SLC9A9: variants seen among roughly 807,000 people sequenced by gnomAD.
SLC9A9 encodes the protein sodium/hydrogen exchanger 9.
Under a neutral mutation model 77.8 loss-of-function variants are expected in SLC9A9, and 62 were observed. The ratio of observed to expected loss-of-function variants is 0.80; its 90% CI spans 0.65 to 0.98. The LOEUF is 0.98. Among genes scored for constraint, SLC9A9 ranks in the 50% least tolerant of loss-of-function variants. The probability of loss-of-function intolerance (pLI) is 0.00; values close to 1 mark genes in which losing one functional copy is unlikely to be tolerated. For synonymous variants in SLC9A9, 320 were observed against 283.5 expected (o/e 1.13, Z -1.29); for missense variants, 775 against 774.9 (o/e 1.00, Z 0.00).
At chr3:143,507,181 C>T (rs1023298313) in intron 9 of SLC9A9, among the ~76,000 whole-genome samples, 1 of 151,652 alleles carries the variant, frequency 6.6e-6, no homozygotes, top group Non-Finnish European at 1.5e-5. Context: ...TGTACAGCCT[C>T]TCTCATTATT....
At chr3:143,297,691 A>T (rs537746227) in intron 14 of SLC9A9, among the ~76,000 whole-genome samples, 34 of 152,326 alleles carry the variant, frequency 2.2e-4, no homozygotes, top group African/African-American at 7.9e-4. Flanking sequence ...AACGTTTTAT[A>T]GTTTTCAATG....
chr3:143,527,086 C>T (rs2049503), intron 9 of SLC9A9, among the ~76,000 whole-genome samples: 33,543 of 152,124 alleles, frequency 0.22, 4,801 homozygotes, highest in Non-Finnish European at 0.33. Flanking sequence ...TAGACATATA[C>T]GACTTGTCTA....
Position 143,467,059 on chromosome 3 carries a change from T to C in SLC9A9, c.1447A>G (p.Met483Val). ...CACCTGATCTGAAGCCAAGTCAACA[T>C]GGGGGTTGTTCCTCCTCCAAATACC... ...VWVFGGGTTP[M>V]LTWLQIRVGV... The change falls in exon 12 of 16, where the codon ATG (methionine) becomes GTG (valine). Residue 483 changes from methionine (M) to valine (V), a missense_variant. By Grantham distance (21) the Met-to-Val change is conservative (BLOSUM62 1). Transcript: ENST00000316549. 1 of 1,613,946 alleles carries C rather than the reference T, an allele frequency of 6.2e-7. No homozygotes were observed. Among genetic ancestry groups the C allele is most frequent in the Non-Finnish European group, 8.5e-7 (1 of 1,179,956 alleles).
intron 9 of SLC9A9, among the ~76,000 whole-genome samples, chr3:143,516,186 A>T (rs1362056835): frequency 6.6e-6 from 1 of 152,030 alleles, no homozygotes; most frequent in African/African-American, 2.4e-5. Context: ...CTTACTTTTT[A>T]ATCTCCACAG....
chr3:143,707,992 G>C (rs1283070726), intron 4 of SLC9A9, among the ~76,000 whole-genome samples: 1 of 152,110 alleles, frequency 6.6e-6, no homozygotes, highest in Non-Finnish European at 1.5e-5. Flanking sequence ...GTCAGTTTCT[G>C]CTGCTATAGC....
intron 14 of SLC9A9, among the ~76,000 whole-genome samples, chr3:143,305,065 C>T (rs2030718093): frequency 6.6e-6 from 1 of 151,934 alleles, no homozygotes; most frequent in Non-Finnish European, 1.5e-5. Flanking sequence ...AAATGATTCC[C>T]TTCCATCTAC....
intron 14 of SLC9A9, among the ~76,000 whole-genome samples, chr3:143,338,999 A>T (rs561860576): frequency 1.3e-5 from 2 of 152,316 alleles, no homozygotes; most frequent in East Asian, 3.9e-4. Context: ...TTCCTGGCTT[A>T]TTTATTAGTA....
chr3:143,710,303 AC>A (rs887868629), intron 4 of SLC9A9, among the ~76,000 whole-genome samples: 7 of 152,172 alleles, frequency 4.6e-5, no homozygotes, highest in Non-Finnish European at 1.0e-4. Flanking sequence ...GGATCCTTCT[AC>A]CCTGTGCACG....
intron 6 of SLC9A9, among the ~76,000 whole-genome samples, chr3:143,583,845 A>G (rs1468431651): frequency 6.6e-6 from 1 of 152,186 alleles, no homozygotes. Context: ...CTAAGATTTT[A>G]CCACCTGTCT....
chr3:143,708,155 G>A (rs1383547282), intron 4 of SLC9A9, among the ~76,000 whole-genome samples: 1 of 152,158 alleles, frequency 6.6e-6, no homozygotes, highest in African/African-American at 2.4e-5. Context: ...TCTACTCAAA[G>A]ATGAACTAAA....
intron 6 of SLC9A9, among the ~76,000 whole-genome samples, chr3:143,614,369 C>T (rs13082568): frequency 0.12 from 18,790 of 152,180 alleles, 1,470 homozygotes; most frequent in Non-Finnish European, 0.18. Context: ...TTGATCAGTG[C>T]CTTGATTTGA....
chr3:143,666,387 C>T (rs532883378), intron 5 of SLC9A9, among the ~76,000 whole-genome samples: 16 of 152,194 alleles, frequency 1.1e-4, no homozygotes, highest in Middle Eastern at 3.4e-3. Flanking sequence ...CATACTGAAT[C>T]GGCAAAAACT....
At chr3:143,410,186 A>C (rs2034065695) in intron 12 of SLC9A9, among the ~76,000 whole-genome samples, 1 of 152,174 alleles carries the variant, frequency 6.6e-6, no homozygotes, top group Non-Finnish European at 1.5e-5. Context: ...CAGGGCCCAC[A>C]CTGGACTTCT....
intron 12 of SLC9A9, among the ~76,000 whole-genome samples, chr3:143,396,425 A>G (rs1402893704): frequency 2.0e-5 from 3 of 152,184 alleles, no homozygotes; most frequent in Non-Finnish European, 4.4e-5. Flanking sequence ...GAAGCGGAAC[A>G]TCACACACAG....
At chr3:143,461,215 A>G (rs2035185192) in intron 12 of SLC9A9, among the ~76,000 whole-genome samples, 1 of 152,292 alleles carries the variant, frequency 6.6e-6, no homozygotes, top group Admixed American at 6.5e-5. Flanking sequence ...GAGCTATTGG[A>G]TAATATAATC....
intron 9 of SLC9A9, among the ~76,000 whole-genome samples, chr3:143,505,593 G>C (rs1049089829): frequency 1.6e-4 from 24 of 152,166 alleles, no homozygotes; most frequent in Non-Finnish European, 2.6e-4. Flanking sequence ...GAATTTTGGG[G>C]TTCCCTATGC....
chr3:143,290,790 G>GA (rs1578266344), intron 14 of SLC9A9, among the ~76,000 whole-genome samples: 1 of 152,120 alleles, frequency 6.6e-6, no homozygotes, highest in South Asian at 2.1e-4. Context: ...TAAACACTGT[G>GA]AAAAAAACAC....
At chr3:143,751,521 G>A (rs1355566549) in intron 4 of SLC9A9, among the ~76,000 whole-genome samples, 1 of 152,224 alleles carries the variant, frequency 6.6e-6, no homozygotes, top group Middle Eastern at 3.4e-3. Flanking sequence ...CAGCTCTGAA[G>A]GGCCATCCTG....
intron 4 of SLC9A9, among the ~76,000 whole-genome samples, chr3:143,754,005 TTC>T (rs76823487): frequency 1.1e-4 from 17 of 151,686 alleles, no homozygotes; most frequent in Admixed American, 5.2e-4. Context: ...ATCTCAGGAT[TTC>T]TCTTTCTCCT....
Sources: allele counts gnomAD v4.1 joint callset (sites outside exome capture counted in the v4.1 genomes callset), GRCh38; gene constraint gnomAD v4.1.1; transcripts MANE v1.5; gene names NCBI Gene and HGNC (gene_info 2026-07-23, HGNC 2026-07-21).